ODAD2: variants seen among roughly 807,000 people sequenced by gnomAD.
The protein encoded by ODAD2 is outer dynein arm docking complex subunit 2.
Under a neutral mutation model 106.8 loss-of-function variants are expected in ODAD2, and 89 were observed. The ratio of observed to expected loss-of-function variants is 0.83; its 90% CI spans 0.70 to 0.99. ODAD2 has a LOEUF of 0.99. Ranked by LOEUF, ODAD2 falls within the 50% of genes least tolerant of loss-of-function variation. The pLI is 0.00. For missense variants in ODAD2, 1,168 were observed against 1,238.5 expected (o/e 0.94, Z 0.85); for synonymous variants, 404 against 436.2 (o/e 0.93, Z 0.92).
chr10:27,984,870 CT>C (rs1849774931), intron 4 of ODAD2, 148 bp downstream of exon 4: 2 of 373,560 alleles, frequency 5.4e-6, no homozygotes, highest in Admixed American at 4.7e-5. Flanking sequence ...TTAAAGGTTC[CT>C]TTTTAATTTT....
chr10:27,821,678 A>G (rs1165777426), intron 19 of ODAD2, among the ~76,000 whole-genome samples: 1 of 152,224 alleles, frequency 6.6e-6, no homozygotes, highest in Non-Finnish European at 1.5e-5. Flanking sequence ...TCTTTGTCAT[A>G]ATTACATAAA....
intron 17 of ODAD2, among the ~76,000 whole-genome samples, chr10:27,883,835 T>C (rs765131065): frequency 5.3e-5 from 8 of 151,890 alleles, no homozygotes; most frequent in Non-Finnish European, 1.2e-4. Context: ...GAAGAGACAC[T>C]CAGTGAGCAT....
chr10:27,904,734 T>C (rs1843461168), intron 17 of ODAD2, among the ~76,000 whole-genome samples: 1 of 152,204 alleles, frequency 6.6e-6, no homozygotes, highest in Admixed American at 6.5e-5. Flanking sequence ...TTCCGACATG[T>C]TTATTTTCCA....
chr10:27,874,026 G>A (rs1299402143), intron 17 of ODAD2, among the ~76,000 whole-genome samples: 4 of 152,180 alleles, frequency 2.6e-5, no homozygotes, highest in African/African-American at 9.7e-5. Context: ...CTTGCTTTAT[G>A]AATCTGGGTG....
chr10:27,873,942 T>A (rs574065660), intron 17 of ODAD2, among the ~76,000 whole-genome samples: 23 of 152,316 alleles, frequency 1.5e-4, no homozygotes, highest in Middle Eastern at 3.4e-3. Flanking sequence ...ATCCGTCTAA[T>A]GTTGACAGTG....
At chr10:27,865,073 G>C (rs1337224658) in intron 17 of ODAD2, among the ~76,000 whole-genome samples, 1 of 152,030 alleles carries the variant, frequency 6.6e-6, no homozygotes, top group Non-Finnish European at 1.5e-5. Context: ...AGCAACCCCT[G>C]CCCTTAGGAT....
intron 1 of ODAD2, among the ~76,000 whole-genome samples, chr10:27,997,108 C>T (rs908903165): frequency 1.4e-4 from 21 of 152,082 alleles, no homozygotes; most frequent in Admixed American, 7.9e-4. Context: ...GACATATATA[C>T]CAAAGTGGTC....
At chr10:27,850,488 C>T (rs1399324914) in intron 19 of ODAD2, among the ~76,000 whole-genome samples, 3 of 149,074 alleles carry the variant, frequency 2.0e-5, no homozygotes, top group Admixed American at 6.7e-5. Flanking sequence ...ACGTGGGAGG[C>T]GGAGGTTGTA....
At chr10:27,983,212 T>A (rs1413554214) in intron 6 of ODAD2, among the ~76,000 whole-genome samples, 1 of 152,224 alleles carries the variant, frequency 6.6e-6, no homozygotes, top group African/African-American at 2.4e-5. Flanking sequence ...TCACTATCAG[T>A]CATCCAGTGC....
chr10:27,812,605 C>G lies in ODAD2; in HGVS notation c.3042G>C (p.Gly1014=), dbSNP rs1165275998. ...GAVKLLLDMV[G]SPDQDLQEAA... ...CTTCCTGGAGATCCTGGTCAGGGGACCCAACCATATCCAGTAGAAGCTGTC... is the reference window on the plus strand; with the variant it reads ...CTTCCTGGAGATCCTGGTCAGGGGAGCCAACCATATCCAGTAGAAGCTGTC... The change falls in exon 20 of 20, where the codon GGG becomes GGC. Residue 1014 remains glycine, a synonymous_variant. Transcript: ENST00000305242. 1.2e-6 allele frequency: 2 copies of G among 1,610,660 alleles called. No homozygotes were observed. Among genetic ancestry groups the G allele is most frequent in the Non-Finnish European group, 1.7e-6 (2 of 1,179,218 alleles).
chr10:27,868,231 G>A (rs892512313), intron 17 of ODAD2, among the ~76,000 whole-genome samples: 2 of 152,146 alleles, frequency 1.3e-5, no homozygotes, highest in African/African-American at 4.8e-5. Context: ...CTGTTGGTGG[G>A]AGTGTAAATT....
chr10:27,912,143 T>C (rs1422040206), intron 16 of ODAD2, among the ~76,000 whole-genome samples: 1 of 152,336 alleles, frequency 6.6e-6, no homozygotes, highest in East Asian at 1.9e-4. Flanking sequence ...TGTTAATTTA[T>C]ACCACTCTCC....
intron 10 of ODAD2, among the ~76,000 whole-genome samples, chr10:27,954,673 C>G (rs779766954): frequency 2.8e-4 from 43 of 152,322 alleles, no homozygotes; most frequent in Non-Finnish European, 5.1e-4. Context: ...CTTTACGCTG[C>G]TTTTTCTCCA....
chr10:27,993,562 A>G (rs1283085946), intron 2 of ODAD2, among the ~76,000 whole-genome samples: 1 of 152,082 alleles, frequency 6.6e-6, no homozygotes, highest in Non-Finnish European at 1.5e-5. Context: ...AGGCAGGAGA[A>G]TTGCTTGAAC....
chr10:27,868,108 T>G (rs1840585275), intron 17 of ODAD2, among the ~76,000 whole-genome samples: 1 of 152,058 alleles, frequency 6.6e-6, no homozygotes, highest in Admixed American at 6.6e-5. Context: ...GTTAGAGAAA[T>G]GCTAATCAAA....
intron 16 of ODAD2, among the ~76,000 whole-genome samples, chr10:27,915,699 C>G (rs1480417371): frequency 6.6e-6 from 1 of 152,242 alleles, no homozygotes; most frequent in African/African-American, 2.4e-5. Context: ...AACTGTCAAC[C>G]TAGACTTCTG....
chr10:27,946,697 A>G (rs1226760466), intron 10 of ODAD2, among the ~76,000 whole-genome samples: 1 of 152,152 alleles, frequency 6.6e-6, no homozygotes, highest in Non-Finnish European at 1.5e-5. Flanking sequence ...TCTTATATAT[A>G]ATAGGGTTAG....
chr10:27,932,146 G>A (rs1211629109), intron 16 of ODAD2, among the ~76,000 whole-genome samples: 1 of 151,952 alleles, frequency 6.6e-6, no homozygotes, highest in Non-Finnish European at 1.5e-5. Flanking sequence ...ATGTTGCTCA[G>A]GCTAGTTTTG....
intron 7 of ODAD2, 23 bp from the exon 8 acceptor site, chr10:27,971,336 AT>A: frequency 6.5e-7 from 1 of 1,541,306 alleles, no homozygotes; most frequent in Non-Finnish European, 8.8e-7. Context: ...AATGAGAATA[AT>A]TTTTAATGAT....
Sources: gnomAD v4.1 joint callset for allele counts (sites outside exome capture counted in the v4.1 genomes callset) on GRCh38, gnomAD v4.1.1 for gene constraint, MANE v1.5 for transcripts, NCBI Gene and HGNC (gene_info 2026-07-23, HGNC 2026-07-21) for gene names.